The following DCC variants were observed in gnomAD, a reference collection of about 807,000 sequenced individuals.
DCC encodes netrin receptor DCC.
A neutral mutation model predicts 172.5 loss-of-function variants in DCC; 58 were observed. The observed-to-expected ratio is 0.34, with a 90% confidence interval of 0.27 to 0.42. The LOEUF is 0.42. DCC is among the 10% of genes least tolerant of loss of function. The pLI, the probability that DCC is intolerant of heterozygous loss-of-function variation, is 1.00. For missense variants in DCC, 1,740 were observed against 1,791.0 expected, an observed-to-expected ratio of 0.97 and a Z score of 0.51; for synonymous variants, 709 against 644.5, an observed-to-expected ratio of 1.10 and a Z score of -1.52.
intron 12 of DCC, among the ~76,000 whole-genome samples, chr18:53,273,978 A>G (rs2056777249): frequency 6.6e-6 from 1 of 152,012 alleles, no homozygotes; most frequent in South Asian, 2.1e-4. Flanking sequence ...TGAGGAAAAG[A>G]GTTAATTAAG....
At chr18:53,179,200 C>G (rs2055156326) in intron 9 of DCC, 84 bp downstream of exon 9, 2 of 1,369,690 alleles carry the variant, frequency 1.5e-6, no homozygotes, top group East Asian at 4.9e-5. Context: ...AGAACCTTTG[C>G]GAAGTGACAA....
intron 8 of DCC, among the ~76,000 whole-genome samples, chr18:53,176,791 A>G (rs2055102299): frequency 6.6e-6 from 1 of 151,672 alleles, no homozygotes; most frequent in South Asian, 2.1e-4. Context: ...GGGATCTAGA[A>G]CTGGAAATAC....
intron 9 of DCC, among the ~76,000 whole-genome samples, chr18:53,186,680 ATAG>A (rs898296329): frequency 3.9e-5 from 6 of 152,240 alleles, no homozygotes; most frequent in Admixed American, 6.5e-5. Context: ...CATGCTTGGG[ATAG>A]AAAATAAAAT....
At chr18:53,350,697 G>A (rs2057781575) in intron 15 of DCC, among the ~76,000 whole-genome samples, 1 of 151,900 alleles carries the variant, frequency 6.6e-6, no homozygotes, top group South Asian at 2.1e-4. Flanking sequence ...AACAGATTTT[G>A]AAAAAAGTCA....
chr18:52,763,798 A>G (rs775269833), intron 2 of DCC, among the ~76,000 whole-genome samples: 1 of 152,124 alleles, frequency 6.6e-6, no homozygotes, highest in Non-Finnish European at 1.5e-5. Context: ...TGTCTTTGCT[A>G]TTTAACATAA....
intron 22 of DCC, among the ~76,000 whole-genome samples, chr18:53,437,084 T>C (rs1264830963): frequency 2.0e-5 from 3 of 152,214 alleles, no homozygotes; most frequent in Non-Finnish European, 4.4e-5. Flanking sequence ...ATAAGAATTT[T>C]GGAAGGACAC....
chr18:53,380,695 C>T (rs1465809370), intron 15 of DCC, among the ~76,000 whole-genome samples: 4 of 152,134 alleles, frequency 2.6e-5, no homozygotes, highest in Non-Finnish European at 5.9e-5. Flanking sequence ...GGTAGTTCTG[C>T]ATTACTTTAG....
intron 5 of DCC, among the ~76,000 whole-genome samples, chr18:52,926,893 A>G (rs1462484980): frequency 7.1e-6 from 1 of 140,056 alleles, no homozygotes; most frequent in Non-Finnish European, 1.6e-5. Context: ...ACACACACAT[A>G]CATATGTGTG....
intron 12 of DCC, among the ~76,000 whole-genome samples, chr18:53,261,950 C>A (rs1281698678): frequency 6.6e-6 from 1 of 152,112 alleles, no homozygotes; most frequent in Non-Finnish European, 1.5e-5. Flanking sequence ...TAGGGACTTA[C>A]CAATAAAAGC....
chr18:52,635,969 C>T (rs1164377258), intron 1 of DCC, among the ~76,000 whole-genome samples: 4 of 152,250 alleles, frequency 2.6e-5, no homozygotes, highest in East Asian at 1.9e-4. Flanking sequence ...GACCCTCTGA[C>T]GGAAGTGGAC....
rs559916999 is a variant in DCC, at chr18:52,727,855, C to G, written c.92-24199C>G. ...GTTTGGATTATGGTTTTTAAAATAT[C>G]TTTGGGTTTTGAAAACCCAGAACAA... On this transcript the variant is annotated intron_variant, in intron 1 of 28. Transcript: ENST00000442544. 2.6e-5 allele frequency among the ~76,000 whole-genome samples: 4 copies of G among 152,208 alleles called. No homozygotes were observed. In the South Asian group the frequency reaches 8.3e-4, roughly 32 times the overall value.
intron 2 of DCC, among the ~76,000 whole-genome samples, chr18:52,752,767 A>G (rs2037017801): frequency 6.6e-6 from 1 of 152,098 alleles, no homozygotes; most frequent in South Asian, 2.1e-4. Flanking sequence ...CCATCTTCCC[A>G]AGCCTCTGGT....
At chr18:52,607,049 G>T (rs2034148148) in intron 1 of DCC, among the ~76,000 whole-genome samples, 1 of 152,034 alleles carries the variant, frequency 6.6e-6, no homozygotes, top group Admixed American at 6.6e-5. Flanking sequence ...TTGTCAGGAT[G>T]GCCAGGAACA....
intron 12 of DCC, among the ~76,000 whole-genome samples, chr18:53,301,193 G>A (rs575807357): frequency 4.6e-5 from 7 of 151,342 alleles, no homozygotes; most frequent in Admixed American, 2.6e-4. Flanking sequence ...GGGTTCAAGC[G>A]ATTCTCCTGT....
At chr18:52,454,542 C>A (rs576333300) in intron 1 of DCC, among the ~76,000 whole-genome samples, 4 of 151,632 alleles carry the variant, frequency 2.6e-5, no homozygotes, top group Admixed American at 2.6e-4. Context: ...TAAATTAATT[C>A]CACTCCTATT....
At chr18:53,231,441 T>G (rs931924561) in intron 12 of DCC, among the ~76,000 whole-genome samples, 1 of 152,054 alleles carries the variant, frequency 6.6e-6, no homozygotes, top group East Asian at 1.9e-4. Flanking sequence ...ATGTGTAAAA[T>G]AGATAATAAA....
chr18:52,491,411 A>G (rs2030495130), intron 1 of DCC, among the ~76,000 whole-genome samples: 1 of 152,142 alleles, frequency 6.6e-6, no homozygotes, highest in South Asian at 2.1e-4. Flanking sequence ...TGACCTGGAC[A>G]TAATATGTGA....
intron 2 of DCC, among the ~76,000 whole-genome samples, chr18:52,793,133 G>T (rs888645884): frequency 5.3e-5 from 8 of 152,180 alleles, no homozygotes; most frequent in Non-Finnish European, 1.2e-4. Flanking sequence ...CCCACAGATT[G>T]GTTTGATCAC....
At chr18:52,392,965 C>T (rs1409959825) in intron 1 of DCC, among the ~76,000 whole-genome samples, 2 of 152,018 alleles carry the variant, frequency 1.3e-5, no homozygotes, top group Non-Finnish European at 2.9e-5. Flanking sequence ...TTTTTCTTTG[C>T]AATGGAAGCT....
Sources: gnomAD v4.1 joint callset for allele counts (sites outside exome capture counted in the v4.1 genomes callset) on GRCh38, gnomAD v4.1.1 for gene constraint, MANE v1.5 for transcripts, NCBI Gene and HGNC (gene_info 2026-07-23, HGNC 2026-07-21) for gene names.